RABGEF1: variants seen among roughly 807,000 people sequenced by gnomAD.
RABGEF1 encodes rab5 GDP/GTP exchange factor.
In RABGEF1, 26 loss-of-function variants were observed where a neutral mutation model predicts 57.3. The ratio of observed to expected loss-of-function variants is 0.45; its 90% confidence interval spans 0.33 to 0.63. The LOEUF is 0.63. RABGEF1 is among the 20% of genes least tolerant of loss of function. The pLI is 0.02. For missense variants in RABGEF1, 464 were observed against 607.6 expected (o/e 0.76, Z 2.48); for synonymous variants, 185 against 210.7 (o/e 0.88, Z 1.06).
chr7:66,718,442 T>C (rs1268203861), intron 2 of RABGEF1, among the ~76,000 whole-genome samples: 2 of 152,238 alleles, frequency 1.3e-5, no homozygotes, highest in African/African-American at 2.4e-5. Context: ...CTGTTAATTA[T>C]CTTTTTCCAT....
chr7:66,779,436 G>A lies in RABGEF1; in HGVS notation c.346+4043G>A, dbSNP rs183326771. 1.2e-3 allele frequency among the ~76,000 whole-genome samples: 179 copies of A among 151,910 alleles called. 1 individual carries two copies. Among genetic ancestry groups the A allele is most frequent in the Admixed American group, 3.8e-3 (58 of 15,250 alleles). ...GGAGAACTGTTTGAACCTGGGAGGT[G>A]GAGATTGCAGTGAGCCAAGATCGTG... On this transcript the variant is annotated intron_variant, in intron 3 of 8. Coordinates refer to ENST00000284957, the MANE Select transcript of RABGEF1 (RefSeq NM_014504.3).
At chr7:66,718,791 A>T (rs1438144554) in intron 2 of RABGEF1, among the ~76,000 whole-genome samples, 1 of 152,204 alleles carries the variant, frequency 6.6e-6, no homozygotes, top group African/African-American at 2.4e-5. Context: ...ACACACATGC[A>T]GCTCAGGGGT....
chr7:66,719,035 T>C (rs1460785342), intron 2 of RABGEF1, among the ~76,000 whole-genome samples: 1 of 152,256 alleles, frequency 6.6e-6, no homozygotes, highest in Non-Finnish European at 1.5e-5. Context: ...TCCAGCACTC[T>C]TGGGGCCACA....
At chr7:66,758,229 C>T (rs745659016) in intron 1 of RABGEF1, among the ~76,000 whole-genome samples, 8 of 152,232 alleles carry the variant, frequency 5.3e-5, no homozygotes, top group Non-Finnish European at 8.8e-5. Flanking sequence ...TTTTCTGAGA[C>T]GAAACTGGTT....
intron 2 of RABGEF1, among the ~76,000 whole-genome samples, chr7:66,726,160 C>A (rs545567902): frequency 1.3e-5 from 2 of 152,174 alleles, no homozygotes; most frequent in Non-Finnish European, 2.9e-5. Flanking sequence ...CCAGCCTGGG[C>A]TTTGCCCACA....
chr7:66,783,310 G>T (rs1049142448), intron 3 of RABGEF1, among the ~76,000 whole-genome samples: 7 of 152,146 alleles, frequency 4.6e-5, no homozygotes, highest in African/African-American at 1.7e-4. Flanking sequence ...TATTCTATTT[G>T]TTGACTAGTT....
rs1464083758 is a variant in RABGEF1 at position 66,757,697 on chromosome 7, C to T, written c.-17-14186C>T. 2.0e-5 allele frequency among the ~76,000 whole-genome samples: 3 copies of T among 152,274 alleles called. No homozygotes were observed. In the East Asian group the frequency reaches 5.8e-4, roughly 29 times the overall value. On this transcript the variant is annotated intron_variant, in intron 1 of 8. Coordinates refer to ENST00000284957, the MANE Select transcript of RABGEF1 (RefSeq NM_014504.3). ...CATGATCTCGGCTCACTGCAAGCTCCGCCTGCCAGGTTCATGCCATTCTCC... is the reference window on the plus strand; with the variant it reads ...CATGATCTCGGCTCACTGCAAGCTCTGCCTGCCAGGTTCATGCCATTCTCC...
chr7:66,764,062 A>G (rs1259929312), intron 1 of RABGEF1, among the ~76,000 whole-genome samples: 1 of 152,182 alleles, frequency 6.6e-6, no homozygotes, highest in Non-Finnish European at 1.5e-5. Flanking sequence ...CTTCTCCACA[A>G]TGGCTGTACC....
At chr7:66,805,526 C>T (rs1584290838) in intron 8 of RABGEF1, 130 bp downstream of exon 8, 14 of 1,359,326 alleles carry the variant, frequency 1.0e-5, no homozygotes, top group East Asian at 2.3e-5. Flanking sequence ...TGAGGAAGCT[C>T]ACTTTGCATC....
chr7:66,698,974 A>G (rs868242702), intron 1 of RABGEF1, among the ~76,000 whole-genome samples: 5 of 152,228 alleles, frequency 3.3e-5, no homozygotes, highest in Admixed American at 6.5e-5. Context: ...TGCAGGAAGC[A>G]ACAAAGCTGA....
At chr7:66,660,041 A>G in the RABGEF1 span, among the ~76,000 whole-genome samples, 1 of 152,080 alleles carries the variant, frequency 6.6e-6, no homozygotes, top group African/African-American at 2.4e-5. Context: ...AATATCCAAA[A>G]TCAGAAATGA....
chr7:66,756,062 T>C (rs1446190182), intron 1 of RABGEF1: 1 of 1,504,648 alleles, frequency 6.6e-7, no homozygotes, highest in Non-Finnish European at 8.8e-7. Context: ...AATGATGGCG[T>C]CTTCATACCA....
At chr7:66,738,883 G>T (rs2707850), upstream of RABGEF1, among the ~76,000 whole-genome samples, 76,323 of 151,988 alleles carry the variant, frequency 0.5, 20,096 homozygotes, top group East Asian at 0.74. Context: ...CACCATCCAA[G>T]GTACTACTGT....
intron 2 of RABGEF1, among the ~76,000 whole-genome samples, chr7:66,726,756 C>T (rs1489925357): frequency 6.6e-6 from 1 of 152,098 alleles, no homozygotes; most frequent in Non-Finnish European, 1.5e-5. Flanking sequence ...GTAATCCCAA[C>T]CCTTTGGGAG....
intron 4 of RABGEF1, among the ~76,000 whole-genome samples, chr7:66,793,864 C>T (rs140795747): frequency 1.3e-4 from 20 of 152,310 alleles, no homozygotes; most frequent in Admixed American, 1.0e-3. Context: ...CAGGATGTAT[C>T]GGCCCTTGGC....
At chr7:66,791,825 G>A (rs1172368280) in intron 4 of RABGEF1, among the ~76,000 whole-genome samples, 1 of 152,170 alleles carries the variant, frequency 6.6e-6, no homozygotes, top group Non-Finnish European at 1.5e-5. Flanking sequence ...AGATGTTATA[G>A]AAAAGATGCC....
At chr7:66,779,375 G>A (rs1415372142) in intron 3 of RABGEF1, among the ~76,000 whole-genome samples, 2 of 151,878 alleles carry the variant, frequency 1.3e-5, no homozygotes, top group African/African-American at 2.4e-5. Context: ...GTGGTGGCAC[G>A]TGCCTGCAAT....
upstream of RABGEF1, among the ~76,000 whole-genome samples, chr7:66,681,849 G>C (rs111942630): frequency 7.2e-5 from 11 of 152,184 alleles, no homozygotes; most frequent in African/African-American, 2.4e-4. Flanking sequence ...CCGCGGTGCC[G>C]GCGTCGCCCT....
rs1315145443 is a variant in RABGEF1, at chr7:66,809,012, G to T, written c.1204G>T (p.Asp402Tyr). The T allele has an allele frequency of 6.2e-7, 1 of 1,614,168 alleles. No individual in the cohort carries two copies. ...GCAAGAAGCTGAGAGTTGGTCTCCT[G>T]ATGCTTGCTTAGGCGTCAAGCAAAT... The part of the protein sequence containing the change: ...RKQEAESWSP[D>Y]ACLGVKQMYK... The change falls in exon 9 of 9, where the codon GAT becomes TAT. Residue 402 changes from aspartate to tyrosine, a missense_variant. Asp to Tyr is a radical substitution (Grantham distance 160, BLOSUM62 -3). Coordinates refer to ENST00000284957, the MANE Select transcript of RABGEF1 (RefSeq NM_014504.3).
Sources: gnomAD v4.1 joint callset for allele counts (sites outside exome capture counted in the v4.1 genomes callset) on GRCh38, gnomAD v4.1.1 for gene constraint, MANE v1.5 for transcripts, NCBI Gene and HGNC (gene_info 2026-07-23, HGNC 2026-07-21) for gene names.